GRID2: variants seen among roughly 807,000 people sequenced by gnomAD.
GRID2 encodes glutamate ionotropic receptor delta type subunit 2, also known as glutamate receptor ionotropic, delta-2.
Under a neutral mutation model 114.8 loss-of-function variants are expected in GRID2, and 33 were observed. The ratio of observed to expected loss-of-function variants is 0.29; its 90% CI spans 0.22 to 0.38. The LOEUF (loss-of-function observed/expected upper bound fraction) is 0.38, where lower values mean the gene tolerates loss of function less well. GRID2 is among the 10% of genes least tolerant of loss of function. GRID2 has a pLI of 1.00. For missense variants in GRID2, 1,184 were observed against 1,257.7 expected (o/e 0.94, Z 0.89); for synonymous variants, 505 against 449.9 (o/e 1.12, Z -1.55).
At chr4:93,505,308 C>T (rs1199014149) in intron 12 of GRID2, among the ~76,000 whole-genome samples, 2 of 151,974 alleles carry the variant, frequency 1.3e-5, no homozygotes, top group Admixed American at 1.3e-4. Context: ...TGAAAATCCC[C>T]TATTTCACTA....
At chr4:92,756,568 G>A (rs1042880072) in intron 2 of GRID2, among the ~76,000 whole-genome samples, 1 of 152,068 alleles carries the variant, frequency 6.6e-6, no homozygotes, top group African/African-American at 2.4e-5. Flanking sequence ...CACCAACAAT[G>A]TATAACAATT....
chr4:92,823,651 AT>A (rs1389671381), intron 2 of GRID2, among the ~76,000 whole-genome samples: 14 of 152,324 alleles, frequency 9.2e-5, no homozygotes, highest in African/African-American at 3.1e-4. Flanking sequence ...AATAAAAAAA[AT>A]CTTACATCTT....
chr4:93,754,814 G>C (rs1732607874), intron 14 of GRID2, among the ~76,000 whole-genome samples: 1 of 152,144 alleles, frequency 6.6e-6, no homozygotes, highest in Non-Finnish European at 1.5e-5. Flanking sequence ...GCAAGGGTTG[G>C]GGTAAAGTGG....
chr4:93,724,957 T>A (rs1729714177), intron 14 of GRID2, among the ~76,000 whole-genome samples: 2 of 152,054 alleles, frequency 1.3e-5, no homozygotes, highest in South Asian at 4.1e-4. Flanking sequence ...TTTTTGTATT[T>A]TTTTTAGTAG....
chr4:92,875,927 T>C (rs933448490), intron 2 of GRID2, among the ~76,000 whole-genome samples: 3 of 152,154 alleles, frequency 2.0e-5, no homozygotes, highest in Non-Finnish European at 2.9e-5. Context: ...ATTAGTTCAA[T>C]TGAGGAAAGT....
At chr4:93,290,205 A>G (rs975020443) in intron 8 of GRID2, among the ~76,000 whole-genome samples, 1 of 152,150 alleles carries the variant, frequency 6.6e-6, no homozygotes, top group Non-Finnish European at 1.5e-5. Context: ...AAGTTCCTCA[A>G]TGTAGCTAAA....
chr4:92,645,901 G>T (rs1388805714), intron 2 of GRID2, among the ~76,000 whole-genome samples: 3 of 151,702 alleles, frequency 2.0e-5, no homozygotes, highest in African/African-American at 4.8e-5. Context: ...GGGCTCTTAT[G>T]AATAAGCTGC....
chr4:92,523,020 A>T (rs1236253682), intron 1 of GRID2, among the ~76,000 whole-genome samples: 1 of 151,882 alleles, frequency 6.6e-6, no homozygotes, highest in Non-Finnish European at 1.5e-5. Context: ...GTTCTGAAAG[A>T]ATAAAAGACT....
intron 2 of GRID2, among the ~76,000 whole-genome samples, chr4:92,879,956 AG>A (rs1321277599): frequency 3.9e-5 from 6 of 152,346 alleles, no homozygotes; most frequent in African/African-American, 1.4e-4. Context: ...TAAGAATAAA[AG>A]AAAATTGTGT....
intron 4 of GRID2, among the ~76,000 whole-genome samples, chr4:93,122,273 A>G (rs1043116898): frequency 6.6e-6 from 1 of 152,172 alleles, no homozygotes; most frequent in Admixed American, 6.5e-5. Flanking sequence ...GCATAATGTA[A>G]AGTGGAGGTA....
At chr4:93,585,488 G>A (rs1258717951) in intron 13 of GRID2, among the ~76,000 whole-genome samples, 3 of 152,016 alleles carry the variant, frequency 2.0e-5, no homozygotes, top group Non-Finnish European at 4.4e-5. Flanking sequence ...TGATGTGGAT[G>A]GTCTGCTGCT....
At chr4:93,055,464 A>G (rs1727135602) in intron 2 of GRID2, among the ~76,000 whole-genome samples, 1 of 151,910 alleles carries the variant, frequency 6.6e-6, no homozygotes, top group African/African-American at 2.4e-5. Flanking sequence ...GCACATGTAT[A>G]CATATGTAAC....
intron 13 of GRID2, among the ~76,000 whole-genome samples, chr4:93,608,547 T>C (rs1052062066): frequency 1.4e-5 from 2 of 145,678 alleles, no homozygotes; most frequent in African/African-American, 5.1e-5. Flanking sequence ...CACCTATGAG[T>C]GAGAATACGC....
chr4:92,778,218 T>C (rs11931529), intron 2 of GRID2, among the ~76,000 whole-genome samples: 13,219 of 152,172 alleles, frequency 0.087, 669 homozygotes, highest in African/African-American at 0.14. Flanking sequence ...TTGATCCTCA[T>C]TTATACCTTC....
At chr4:93,280,431 T>C (rs1176865219) in intron 8 of GRID2, among the ~76,000 whole-genome samples, 1 of 152,046 alleles carries the variant, frequency 6.6e-6, no homozygotes, top group Non-Finnish European at 1.5e-5. Flanking sequence ...ATTATGAAAC[T>C]GATAGGCTAT....
intron 8 of GRID2, among the ~76,000 whole-genome samples, chr4:93,362,686 G>C (rs1437384737): frequency 6.6e-6 from 1 of 151,944 alleles, no homozygotes; most frequent in Non-Finnish European, 1.5e-5. Flanking sequence ...CTCTTCTCAG[G>C]CCTGCACCAC....
At chr4:92,510,744 A>C (rs1472417034) in intron 1 of GRID2, among the ~76,000 whole-genome samples, 1 of 151,722 alleles carries the variant, frequency 6.6e-6, no homozygotes, top group Non-Finnish European at 1.5e-5. Flanking sequence ...ATAAATGATA[A>C]ATTCATGAGG....
At chr4:92,896,214 G>A (rs1180701772) in intron 2 of GRID2, among the ~76,000 whole-genome samples, 1 of 152,124 alleles carries the variant, frequency 6.6e-6, no homozygotes, top group Non-Finnish European at 1.5e-5. Flanking sequence ...AGAAAGCCTA[G>A]AAGAGCCCCC....
At chr4:93,110,348 A>G (rs1049777108) in intron 3 of GRID2, among the ~76,000 whole-genome samples, 11 of 152,138 alleles carry the variant, frequency 7.2e-5, no homozygotes, top group Middle Eastern at 3.2e-3. Flanking sequence ...TCAGTCATCA[A>G]TGATATTCAT....
Sources: allele counts gnomAD v4.1 joint callset (sites outside exome capture counted in the v4.1 genomes callset), GRCh38; gene constraint gnomAD v4.1.1; transcripts MANE v1.5; gene names NCBI Gene and HGNC (gene_info 2026-07-23, HGNC 2026-07-21).